Variants in CTNNA3 observed in about 807,000 individuals in gnomAD.
CTNNA3 encodes catenin alpha 3.
Under a neutral mutation model 95.7 loss-of-function variants are expected in CTNNA3, and 76 were observed. The ratio of observed to expected loss-of-function variants is 0.79; its 90% CI spans 0.66 to 0.96. The LOEUF (loss-of-function observed/expected upper bound fraction) is 0.96, where lower values mean the gene tolerates loss of function less well. Ranked by LOEUF, CTNNA3 falls within the 40% of genes least tolerant of loss-of-function variation. The pLI is 0.00. For missense variants in CTNNA3, 1,191 were observed against 1,089.8 expected, an observed-to-expected ratio of 1.09 and a Z score of -1.31; for synonymous variants, 431 against 374.4, an observed-to-expected ratio of 1.15 and a Z score of -1.74.
At chr10:67,224,719 G>A (rs1008386460) in intron 5 of CTNNA3, among the ~76,000 whole-genome samples, 2 of 152,154 alleles carry the variant, frequency 1.3e-5, no homozygotes, top group Admixed American at 6.5e-5. Flanking sequence ...CTAGGAGCTC[G>A]CTGGGTCCCC....
chr10:67,591,992 C>T (rs1842802990), intron 3 of CTNNA3, among the ~76,000 whole-genome samples: 1 of 152,148 alleles, frequency 6.6e-6, no homozygotes, highest in African/African-American at 2.4e-5. Flanking sequence ...GAAAATCGAA[C>T]TGCCAGTTCA....
chr10:67,042,959 C>T (rs566919812), intron 7 of CTNNA3, among the ~76,000 whole-genome samples: 37 of 152,134 alleles, frequency 2.4e-4, no homozygotes, highest in African/African-American at 8.4e-4. Flanking sequence ...TAAGTGAAAA[C>T]TGAGCAGCTA....
At chr10:67,682,115 G>C (rs147407234) in intron 1 of CTNNA3, among the ~76,000 whole-genome samples, 2 of 145,638 alleles carry the variant, frequency 1.4e-5, no homozygotes, top group African/African-American at 5.1e-5. Context: ...CCGAGATTGC[G>C]CCATTGCACT....
chr10:67,424,717 C>T (rs899823126), intron 5 of CTNNA3, among the ~76,000 whole-genome samples: 1 of 152,070 alleles, frequency 6.6e-6, no homozygotes, highest in African/African-American at 2.4e-5. Context: ...ACTTAACTCT[C>T]TAAACAATTA....
At chr10:66,590,160 G>C (rs538952146) in intron 10 of CTNNA3, among the ~76,000 whole-genome samples, 7 of 152,146 alleles carry the variant, frequency 4.6e-5, no homozygotes, top group Non-Finnish European at 8.8e-5. Context: ...TAAGTTGAAG[G>C]CTTCCCAAAA....
intron 17 of CTNNA3, among the ~76,000 whole-genome samples, chr10:65,937,127 A>G (rs2077353089): frequency 6.6e-6 from 1 of 152,054 alleles, no homozygotes; most frequent in Non-Finnish European, 1.5e-5. Context: ...TATCTCCTAA[A>G]GCTCTTAAAT....
At chr10:67,028,898 A>AT (rs1265935716) in intron 7 of CTNNA3, among the ~76,000 whole-genome samples, 1 of 152,158 alleles carries the variant, frequency 6.6e-6, no homozygotes, top group Non-Finnish European at 1.5e-5. Flanking sequence ...TCATTTTAAC[A>AT]TTTTGGTGCA....
At chr10:67,600,185 C>CA (rs1318180457) in intron 3 of CTNNA3, among the ~76,000 whole-genome samples, 4 of 151,234 alleles carry the variant, frequency 2.6e-5, no homozygotes, top group Admixed American at 6.6e-5. Context: ...TTCTGTATTT[C>CA]AAAAAAAATA....
intron 1 of CTNNA3, among the ~76,000 whole-genome samples, chr10:67,736,525 G>A (rs995803244): frequency 2.1e-5 from 3 of 145,038 alleles, no homozygotes; most frequent in African/African-American, 5.1e-5. Flanking sequence ...GCACGTTCTC[G>A]GCTGACTGCA....
chr10:66,695,819 A>G (rs1305988603), intron 9 of CTNNA3, among the ~76,000 whole-genome samples: 3 of 150,948 alleles, frequency 2.0e-5, no homozygotes, highest in African/African-American at 7.3e-5. Context: ...CCAATTCTCA[A>G]GAGACCCACT....
intron 5 of CTNNA3, among the ~76,000 whole-genome samples, chr10:67,229,668 C>T (rs1175929523): frequency 1.3e-5 from 2 of 152,096 alleles, no homozygotes; most frequent in Non-Finnish European, 2.9e-5. Flanking sequence ...TTCTATACAC[C>T]AACAGTGACC....
chr10:66,594,127 C>A (rs2132236680), intron 10 of CTNNA3, among the ~76,000 whole-genome samples: 1 of 152,236 alleles, frequency 6.6e-6, no homozygotes, highest in Admixed American at 6.5e-5. Flanking sequence ...CTCCTCAAAT[C>A]TTTCCCAGCT....
intron 11 of CTNNA3, among the ~76,000 whole-genome samples, chr10:66,454,714 AT>A (rs2093484651): frequency 6.6e-6 from 1 of 151,460 alleles, no homozygotes; most frequent in Non-Finnish European, 1.5e-5. Flanking sequence ...AACACTTTCC[AT>A]TTCATTTTAT....
intron 5 of CTNNA3, among the ~76,000 whole-genome samples, chr10:67,412,521 T>G (rs1440309136): frequency 2.0e-5 from 3 of 152,018 alleles, no homozygotes; most frequent in African/African-American, 7.2e-5. Flanking sequence ...AGCCAGATAC[T>G]ATACAAGATG....
intron 12 of CTNNA3, among the ~76,000 whole-genome samples, chr10:66,368,991 A>G (rs910905368): frequency 2.0e-5 from 3 of 152,156 alleles, no homozygotes; most frequent in Non-Finnish European, 2.9e-5. Flanking sequence ...ATATCAGCAG[A>G]GGAATTTTAT....
intron 5 of CTNNA3, among the ~76,000 whole-genome samples, chr10:67,439,774 C>T (rs558652532): frequency 1.3e-5 from 2 of 152,198 alleles, no homozygotes; most frequent in South Asian, 4.2e-4. Context: ...AGACCAAGTC[C>T]TGGCAGGATT....
At chr10:67,406,710 A>C (rs559739607) in intron 5 of CTNNA3, among the ~76,000 whole-genome samples, 24 of 152,292 alleles carry the variant, frequency 1.6e-4, no homozygotes, top group Non-Finnish European at 2.6e-4. Flanking sequence ...AAATTCAAAT[A>C]AACACAATCA....
chr10:67,610,350 G>A (rs1284035340), intron 2 of CTNNA3, among the ~76,000 whole-genome samples: 1 of 152,182 alleles, frequency 6.6e-6, no homozygotes, highest in East Asian at 1.9e-4. Flanking sequence ...ATTGCAACTT[G>A]CAAGTTATTC....
At chr10:66,485,751 T>G (rs555878295) in intron 11 of CTNNA3, among the ~76,000 whole-genome samples, 1 of 152,172 alleles carries the variant, frequency 6.6e-6, no homozygotes, top group South Asian at 2.1e-4. Flanking sequence ...ATCCTAAAAT[T>G]GACACGGATC....
Sources: gnomAD v4.1 joint callset for allele counts (sites outside exome capture counted in the v4.1 genomes callset) on GRCh38, gnomAD v4.1.1 for gene constraint, MANE v1.5 for transcripts, NCBI Gene and HGNC (gene_info 2026-07-23, HGNC 2026-07-21) for gene names.